Variants in SUCLG2 observed in about 807,000 individuals in gnomAD.
SUCLG2 encodes succinate--CoA ligase [GDP-forming] subunit beta, mitochondrial.
A neutral mutation model predicts 47.9 loss-of-function variants in SUCLG2; 42 were observed. The observed-to-expected ratio is 0.88, with a 90% CI of 0.69 to 1.14. The LOEUF (loss-of-function observed/expected upper bound fraction) is 1.14, where lower values mean the gene tolerates loss of function less well. Ranked by LOEUF, SUCLG2 falls within the 50% of genes most tolerant of loss-of-function variation. The pLI is 0.00. For missense variants in SUCLG2, 571 were observed against 525.9 expected, an observed-to-expected ratio of 1.09 and a Z score of -0.84; for synonymous variants, 195 against 197.3, an observed-to-expected ratio of 0.99 and a Z score of 0.10.
Position 67,539,656 on chromosome 3 carries a change from A to C in SUCLG2, c.227-10470T>G, listed in dbSNP as rs191509884. 4.4e-3 allele frequency among the ~76,000 whole-genome samples: 673 copies of C among 152,236 alleles called. 8 individuals are homozygous for C. The East Asian group carries it at 0.053, about 12-fold the overall frequency. ...ATGGTACCAGCTCCTCTTTGTACCT[A>C]CGGCAGAAGTCAGCTGTGAATCCAT... On this transcript the variant is annotated intron_variant, in intron 2 of 10. Transcript: ENST00000307227.
At chr3:67,463,851 T>C (rs1704400067) in intron 9 of SUCLG2, among the ~76,000 whole-genome samples, 1 of 152,184 alleles carries the variant, frequency 6.6e-6, no homozygotes, top group Non-Finnish European at 1.5e-5. Flanking sequence ...GAGGAAGCCA[T>C]CTCAACAGCT....
At chr3:67,484,453 T>C (rs1024121722) in intron 9 of SUCLG2, among the ~76,000 whole-genome samples, 2 of 152,248 alleles carry the variant, frequency 1.3e-5, no homozygotes, top group African/African-American at 4.8e-5. Context: ...TCTAAAAAGA[T>C]ATTTTTGGGG....
chr3:67,509,547 CTCAT>C (rs1239275810), intron 6 of SUCLG2, among the ~76,000 whole-genome samples: 1 of 152,176 alleles, frequency 6.6e-6, no homozygotes, highest in African/African-American at 2.4e-5. Context: ...TTGAAATTCA[CTCAT>C]TCATTCATTC....
chr3:67,389,322 C>A (rs1201086649), intron 10 of SUCLG2, among the ~76,000 whole-genome samples: 1 of 152,118 alleles, frequency 6.6e-6, no homozygotes, highest in Non-Finnish European at 1.5e-5. Flanking sequence ...AGCTGCAACA[C>A]TGGAGAGAGT....
At chr3:67,443,974 C>A (rs1340009627) in intron 9 of SUCLG2, among the ~76,000 whole-genome samples, 6 of 120,272 alleles carry the variant, frequency 5.0e-5, no homozygotes, top group African/African-American at 1.7e-4. Context: ...GGGGGTCAGC[C>A]CCCCGCCCGG....
At chr3:67,403,565 C>G (rs116108524) in intron 9 of SUCLG2, among the ~76,000 whole-genome samples, 1,951 of 152,214 alleles carry the variant, frequency 0.013, 21 homozygotes, top group Non-Finnish European at 0.019. Flanking sequence ...GAGAGCCAGA[C>G]CAATAAACTG....
chr3:67,462,980 A>C (rs971216494), intron 9 of SUCLG2, among the ~76,000 whole-genome samples: 2 of 152,138 alleles, frequency 1.3e-5, no homozygotes, highest in Non-Finnish European at 2.9e-5. Flanking sequence ...TTCTGTGTTG[A>C]CTATTGTGGT....
At chr3:67,415,330 A>G (rs1271116144) in intron 9 of SUCLG2, among the ~76,000 whole-genome samples, 3 of 152,210 alleles carry the variant, frequency 2.0e-5, no homozygotes, top group Non-Finnish European at 4.4e-5. Context: ...GTTATACAAC[A>G]TGAATTTACA....
At chr3:67,370,160 G>GA (rs931774110), downstream of SUCLG2, among the ~76,000 whole-genome samples, 1 of 152,080 alleles carries the variant, frequency 6.6e-6, no homozygotes, top group Non-Finnish European at 1.5e-5. Context: ...TGTAACATTT[G>GA]AAACAATTAA....
intron 9 of SUCLG2, among the ~76,000 whole-genome samples, chr3:67,455,788 G>A (rs1205658453): frequency 6.6e-6 from 1 of 152,098 alleles, no homozygotes; most frequent in African/African-American, 2.4e-5. Context: ...TATCTGAAAG[G>A]GTAGGCCTTT....
intron 9 of SUCLG2, among the ~76,000 whole-genome samples, chr3:67,471,671 CA>C (rs1704608136): frequency 6.6e-6 from 1 of 151,884 alleles, no homozygotes; most frequent in Non-Finnish European, 1.5e-5. Flanking sequence ...AAGAAGGCGG[CA>C]AATTAATTTG....
At chr3:67,446,883 AG>A (rs2106927334) in intron 9 of SUCLG2, among the ~76,000 whole-genome samples, 1 of 152,362 alleles carries the variant, frequency 6.6e-6, no homozygotes, top group East Asian at 1.9e-4. Context: ...TATTAAAAAA[AG>A]ATTATCTATT....
intron 9 of SUCLG2, among the ~76,000 whole-genome samples, chr3:67,479,199 A>C (rs751521694): frequency 1.8e-4 from 27 of 152,144 alleles, no homozygotes; most frequent in Non-Finnish European, 3.2e-4. Context: ...TGACATAAAG[A>C]CTATTTATCC....
rs114660944 is a variant in SUCLG2 at position 67,458,007 on chromosome 3, C to A, written c.1062+37791G>T. On this transcript the variant is annotated intron_variant, in intron 9 of 10. Coordinates refer to ENST00000307227, the MANE Select transcript of SUCLG2 (RefSeq NM_003848.4). ...GAAGGCTTGGGAGTCTCTGCCTTTG[C>A]CCTCTCAGATGCTTAAGGGCCACAT... Among the ~76,000 whole-genome samples, 711 of 152,196 alleles carry A rather than the reference C, an allele frequency of 4.7e-3. 5 individuals carry two copies. The highest frequency in any genetic ancestry group is 0.016 in the African/African-American group (670 of 41,512).
intron 1 of SUCLG2, among the ~76,000 whole-genome samples, chr3:67,614,480 G>A (rs920087968): frequency 2.0e-5 from 3 of 151,708 alleles, no homozygotes; most frequent in African/African-American, 4.8e-5. Flanking sequence ...TATGGCTCAC[G>A]GAAGATTCCT....
At position 67,436,079 on chromosome 3, in the gene SUCLG2, T is replaced by G. The variant is rs546491123; in HGVS notation, c.1063-35228A>C. Reference sequence around the variant, plus strand: ...AAAAAAATTAAGGGCAAACATTAGTTTTGAGCATCACAGAAAGATATGAAA... The same window carrying G: ...AAAAAAATTAAGGGCAAACATTAGTGTTGAGCATCACAGAAAGATATGAAA... On this transcript the variant is annotated intron_variant, in intron 9 of 10. Transcript: ENST00000307227. Among the ~76,000 whole-genome samples, 5 of 152,268 alleles carry G rather than the reference T, an allele frequency of 3.3e-5. No homozygotes were observed. In the East Asian group the frequency reaches 7.7e-4, roughly 23 times the overall value.
intron 9 of SUCLG2, among the ~76,000 whole-genome samples, chr3:67,474,065 T>A (rs967391312): frequency 6.6e-6 from 1 of 151,984 alleles, no homozygotes; most frequent in Non-Finnish European, 1.5e-5. Flanking sequence ...AGACCATCCT[T>A]GCTAACACGG....
intron 2 of SUCLG2, among the ~76,000 whole-genome samples, chr3:67,554,016 T>C (rs1328827364): frequency 6.6e-6 from 1 of 152,190 alleles, no homozygotes; most frequent in African/African-American, 2.4e-5. Flanking sequence ...AACCAGTAAC[T>C]AAATACTTTT....
intron 1 of SUCLG2, among the ~76,000 whole-genome samples, chr3:67,623,621 A>G (rs565137824): frequency 6.6e-6 from 1 of 152,330 alleles, no homozygotes; most frequent in East Asian, 1.9e-4. Flanking sequence ...TTCATTATTC[A>G]TTAAAACCCG....
Sources: gnomAD v4.1 joint callset for allele counts (sites outside exome capture counted in the v4.1 genomes callset) on GRCh38, gnomAD v4.1.1 for gene constraint, MANE v1.5 for transcripts, NCBI Gene and HGNC (gene_info 2026-07-23, HGNC 2026-07-21) for gene names.